TENM2: variants seen among roughly 807,000 people sequenced by gnomAD.
The protein encoded by TENM2 is teneurin-2.
TENM2 carries 52 observed loss-of-function variants against 245.2 expected under a neutral mutation model. The observed-to-expected ratio is 0.21, with a 90% CI of 0.17 to 0.27. The LOEUF (loss-of-function observed/expected upper bound fraction) is 0.27. Among genes scored for constraint, TENM2 ranks in the 10% least tolerant of loss-of-function variants. TENM2 has a pLI of 1.00. For synonymous variants in TENM2, 1,363 were observed against 1,438.9 expected, an observed-to-expected ratio of 0.95 and a Z score of 1.19; for missense variants, 3,046 against 3,666.8, an observed-to-expected ratio of 0.83 and a Z score of 4.37.
chr5:167,141,297 T>C, the TENM2 span, among the ~76,000 whole-genome samples: 1 of 152,234 alleles, frequency 6.6e-6, no homozygotes, highest in Non-Finnish European at 1.5e-5. Context: ...AAACTATATT[T>C]GGAAGAGAGT....
At chr5:167,771,317 G>A (rs1763389028) in intron 2 of TENM2, among the ~76,000 whole-genome samples, 1 of 152,082 alleles carries the variant, frequency 6.6e-6, no homozygotes, top group African/African-American at 2.4e-5. Flanking sequence ...AGAGGATGTT[G>A]GAATAATCCA....
chr5:167,208,105 A>T, the TENM2 span, among the ~76,000 whole-genome samples: 2 of 152,178 alleles, frequency 1.3e-5, no homozygotes, highest in Non-Finnish European at 2.9e-5. Context: ...TAAAGAATTG[A>T]CATCCTTTTG....
intron 6 of TENM2, among the ~76,000 whole-genome samples, chr5:168,051,047 G>A (rs886956477): frequency 2.0e-5 from 3 of 152,196 alleles, no homozygotes; most frequent in Non-Finnish European, 4.4e-5. Flanking sequence ...TGAGAAAGAC[G>A]ATTCAATACA....
chr5:168,020,527 T>G (rs1786050404), intron 5 of TENM2, among the ~76,000 whole-genome samples: 1 of 152,212 alleles, frequency 6.6e-6, no homozygotes, highest in South Asian at 2.1e-4. Flanking sequence ...TTTATCTTGT[T>G]TTCATGAGAG....
chr5:167,515,551 C>T (rs763692736), intron 2 of TENM2, among the ~76,000 whole-genome samples: 8 of 132,628 alleles, frequency 6.0e-5, no homozygotes, highest in African/African-American at 1.7e-4. Context: ...GCCTTGTCCT[C>T]GAAGAGCTTA....
intron 2 of TENM2, among the ~76,000 whole-genome samples, chr5:167,397,800 C>T (rs1018684568): frequency 2.0e-5 from 3 of 152,068 alleles, no homozygotes; most frequent in Non-Finnish European, 2.9e-5. Flanking sequence ...CTCTGAAATT[C>T]GCATCAAGAA....
chr5:167,067,249 T>G, the TENM2 span, among the ~76,000 whole-genome samples: 1 of 152,182 alleles, frequency 6.6e-6, no homozygotes, highest in African/African-American at 2.4e-5. Context: ...TCAGAATTGC[T>G]TAATGAATTG....
rs1333362871 is a variant in TENM2, at chr5:167,920,330, TAAAAAAAAAAGA to T, written c.713-32249_713-32238del. ...AACATGATGAAACCCTGTCTCTACT[TAAAAAAAAAAGA>T]AAAAAAAAGAAAAAAAAAATCAAAA... On this transcript the variant is annotated intron_variant, in intron 3 of 28. Coordinates refer to ENST00000518659, the Ensembl canonical transcript of TENM2. 5.0e-5 allele frequency among the ~76,000 whole-genome samples: 6 copies of T among 121,054 alleles called. 1 individual carries two copies. The highest frequency in any genetic ancestry group is 2.7e-4 in the South Asian group (1 of 3,644). 79.4% of individuals were successfully genotyped at this position (121,054 alleles called of 152,430 possible). A position where few individuals can be genotyped will look rare whatever the true frequency, so the allele number is the denominator to read the frequency against.
chr5:167,915,737 A>G (rs1424145315), intron 3 of TENM2, among the ~76,000 whole-genome samples: 2 of 152,260 alleles, frequency 1.3e-5, no homozygotes. Flanking sequence ...CCTATGTATT[A>G]ACAAGAAAGA....
At chr5:167,434,040 A>G (rs964249754) in intron 2 of TENM2, among the ~76,000 whole-genome samples, 1 of 152,204 alleles carries the variant, frequency 6.6e-6, no homozygotes, top group African/African-American at 2.4e-5. Context: ...TTTAATTAGC[A>G]TAATAAACAG....
intron 1 of TENM2, among the ~76,000 whole-genome samples, chr5:167,298,461 G>T (rs962993137): frequency 5.9e-5 from 9 of 152,162 alleles, no homozygotes; most frequent in African/African-American, 1.7e-4. Flanking sequence ...AAATTAGCCG[G>T]GCGAGGTGGC....
At chr5:167,617,256 A>G (rs778647015) in intron 2 of TENM2, among the ~76,000 whole-genome samples, 1 of 152,156 alleles carries the variant, frequency 6.6e-6, no homozygotes, top group Non-Finnish European at 1.5e-5. Flanking sequence ...ACATGCATAC[A>G]CAAATGTGTG....
the TENM2 span, among the ~76,000 whole-genome samples, chr5:167,255,416 A>T: frequency 2.0e-5 from 3 of 152,162 alleles, no homozygotes; most frequent in Admixed American, 2.0e-4. Flanking sequence ...CTAAAAGCCC[A>T]TGTTCTTTCT....
chr5:167,514,855 A>G (rs1770211183), intron 2 of TENM2, among the ~76,000 whole-genome samples: 4 of 152,142 alleles, frequency 2.6e-5, no homozygotes. Flanking sequence ...TACTAAAAAT[A>G]CAAAAATTAG....
chr5:168,041,776 G>T (rs1788211761), intron 5 of TENM2, among the ~76,000 whole-genome samples: 1 of 152,190 alleles, frequency 6.6e-6, no homozygotes, highest in African/African-American at 2.4e-5. Flanking sequence ...TAGTAAATAT[G>T]TGCTGACTGG....
chr5:167,684,771 C>G (rs939794550), intron 2 of TENM2, among the ~76,000 whole-genome samples: 41 of 152,264 alleles, frequency 2.7e-4, no homozygotes, highest in African/African-American at 9.9e-4. Flanking sequence ...TACTGAGCAC[C>G]TACTATATTG....
At chr5:168,235,687 A>T (rs1309664410) in intron 25 of TENM2, among the ~76,000 whole-genome samples, 1 of 152,088 alleles carries the variant, frequency 6.6e-6, no homozygotes, top group Non-Finnish European at 1.5e-5. Flanking sequence ...CACGCCTATA[A>T]TCCCAGCTAC....
the TENM2 span, chr5:167,168,164 A>C: frequency 6.6e-6 from 1 of 152,198 alleles, no homozygotes; most frequent in Non-Finnish European, 1.5e-5. Context: ...TTATAGCTTC[A>C]TTTACTTTCT....
intron 2 of TENM2, among the ~76,000 whole-genome samples, chr5:167,677,970 A>G (rs1180679797): frequency 1.3e-5 from 2 of 151,930 alleles, no homozygotes; most frequent in African/African-American, 2.4e-5. Context: ...TAATAAAATA[A>G]TATGTGACTG....
Sources: gnomAD v4.1 joint callset for allele counts (sites outside exome capture counted in the v4.1 genomes callset) on GRCh38, gnomAD v4.1.1 for gene constraint, MANE v1.5 for transcripts, NCBI Gene and HGNC (gene_info 2026-07-23, HGNC 2026-07-21) for gene names.